PPP2R2B: variants seen among roughly 807,000 people sequenced by gnomAD.
The protein encoded by PPP2R2B is protein phosphatase 2 regulatory subunit Bbeta.
PPP2R2B carries 5 observed loss-of-function variants against 46.0 expected under a neutral mutation model. The ratio of observed to expected loss-of-function variants is 0.11; its 90% CI spans 0.06 to 0.23. The LOEUF (loss-of-function observed/expected upper bound fraction) is 0.23. Ranked by LOEUF, PPP2R2B falls within the 10% of genes least tolerant of loss-of-function variation. PPP2R2B has a pLI of 1.00. For missense variants in PPP2R2B, 367 were observed against 575.0 expected (o/e 0.64, Z 3.70); for synonymous variants, 215 against 206.7 (o/e 1.04, Z -0.34).
At chr5:146,881,685 T>TA (rs1762173093), upstream of PPP2R2B, among the ~76,000 whole-genome samples, 1 of 152,232 alleles carries the variant, frequency 6.6e-6, no homozygotes, top group African/African-American at 2.4e-5. Context: ...GTGCTGGGAT[T>TA]ACTGGCGTGA....
chr5:146,953,046 C>A (rs1349905048), intron 1 of PPP2R2B, among the ~76,000 whole-genome samples: 2 of 152,120 alleles, frequency 1.3e-5, no homozygotes, highest in African/African-American at 4.8e-5. Context: ...TATTTAGAAT[C>A]CCTGGCTTCA....
chr5:146,609,342 G>A (rs974517989), intron 7 of PPP2R2B, among the ~76,000 whole-genome samples: 1 of 152,182 alleles, frequency 6.6e-6, no homozygotes, highest in Admixed American at 6.5e-5. Flanking sequence ...AGTACTGAAA[G>A]TCCTAGATAG....
At chr5:146,797,037 C>T (rs377011805) in intron 2 of PPP2R2B, among the ~76,000 whole-genome samples, 96 of 152,260 alleles carry the variant, frequency 6.3e-4, no homozygotes, top group African/African-American at 2.1e-3. Context: ...TGGGAGTTGA[C>T]CCTTTGTTAG....
intron 7 of PPP2R2B, among the ~76,000 whole-genome samples, chr5:146,608,163 G>A (rs1772478992): frequency 6.6e-6 from 1 of 152,152 alleles, no homozygotes. Flanking sequence ...ATCTAGACAG[G>A]GGAATCAGCA....
intron 2 of PPP2R2B, among the ~76,000 whole-genome samples, chr5:146,829,604 T>C (rs937011472): frequency 4.6e-5 from 7 of 152,142 alleles, no homozygotes; most frequent in Non-Finnish European, 1.0e-4. Flanking sequence ...GTTAAGTACC[T>C]GCAGTGGCCT....
chr5:146,750,732 G>A (rs1297123981), intron 2 of PPP2R2B, among the ~76,000 whole-genome samples: 1 of 152,162 alleles, frequency 6.6e-6, no homozygotes, highest in Non-Finnish European at 1.5e-5. Flanking sequence ...CATGGGCACA[G>A]CATTGCTATG....
chr5:146,749,567 A>C (rs1338062874), intron 2 of PPP2R2B, among the ~76,000 whole-genome samples: 2 of 150,634 alleles, frequency 1.3e-5, no homozygotes, highest in African/African-American at 4.9e-5. Context: ...CTCTTTGCTT[A>C]GCCTAGATCC....
At chr5:146,659,258 T>C (rs1776536699) in intron 5 of PPP2R2B, among the ~76,000 whole-genome samples, 1 of 152,218 alleles carries the variant, frequency 6.6e-6, no homozygotes, top group South Asian at 2.1e-4. Context: ...TTTAAAATAC[T>C]TTGAAATCAC....
chr5:146,736,662 T>C (rs1752558201), intron 2 of PPP2R2B, among the ~76,000 whole-genome samples: 1 of 152,184 alleles, frequency 6.6e-6, no homozygotes, highest in Admixed American at 6.5e-5. Flanking sequence ...GGTGTGTACA[T>C]GGGTACATCC....
chr5:147,079,445 C>CATATATATATATATATATATATAT (rs58393815), intron 2 of PPP2R2B, among the ~76,000 whole-genome samples: 1 of 132,304 alleles, frequency 7.6e-6, no homozygotes, highest in South Asian at 2.5e-4. Flanking sequence ...TATATATATA[C>CATATATATATATATATATATATAT]ATATATATAT....
In PPP2R2B at chr5:146,807,720, T is replaced by A. The variant is rs571718317; in HGVS notation, c.70+70282A>T. Among the ~76,000 whole-genome samples the A allele has an allele frequency of 4.8e-5, 7 of 145,214 alleles. No individual in the cohort carries two copies. In the South Asian group the frequency reaches 1.6e-3, roughly 33 times the overall value. ...TCTGACTCACACCAGAGTATGTGCT[T>A]AACCACCAGGGATATGCCCTCTCCA... On this transcript the variant is annotated intron_variant, in intron 2 of 9. Transcript: ENST00000394411.
chr5:146,690,555 T>C (rs567998621), intron 5 of PPP2R2B, among the ~76,000 whole-genome samples: 7 of 152,322 alleles, frequency 4.6e-5, no homozygotes, highest in African/African-American at 1.4e-4. Context: ...AGATCATATA[T>C]TGAGGACCAG....
chr5:147,073,975 G>T (rs1004868542), intron 2 of PPP2R2B, among the ~76,000 whole-genome samples: 2 of 151,726 alleles, frequency 1.3e-5, no homozygotes, highest in Admixed American at 6.6e-5. Flanking sequence ...GATGGAGGTT[G>T]CAGTGAGCCA....
At chr5:146,878,779 G>A (rs1057264689), upstream of PPP2R2B, 34 of 1,301,686 alleles carry the variant, frequency 2.6e-5, no homozygotes, top group African/African-American at 5.3e-4. The surrounding 1 kb of genome is among the most constrained non-coding windows in gnomAD (Gnocchi z 4.5). Context: ...GAGGCGGCTG[G>A]TGCATTAAAG....
At chr5:146,873,231 C>T (rs1306557366) in intron 2 of PPP2R2B, among the ~76,000 whole-genome samples, 2 of 152,196 alleles carry the variant, frequency 1.3e-5, no homozygotes, top group Non-Finnish European at 2.9e-5. Flanking sequence ...TGCAATCTTT[C>T]TCTATTACGT....
chr5:146,640,060 G>C (rs1775094621), intron 6 of PPP2R2B, among the ~76,000 whole-genome samples: 1 of 152,212 alleles, frequency 6.6e-6, no homozygotes, highest in Admixed American at 6.5e-5. Context: ...CAAATGCACT[G>C]ATATTTTTAG....
At chr5:146,760,509 C>G (rs944328501) in intron 2 of PPP2R2B, among the ~76,000 whole-genome samples, 4 of 152,006 alleles carry the variant, frequency 2.6e-5, no homozygotes, top group Admixed American at 6.6e-5. Context: ...GGCAAGATAC[C>G]CAAGTGGAAG....
At chr5:147,022,873 C>T (rs955194680) in intron 1 of PPP2R2B, among the ~76,000 whole-genome samples, 2 of 151,674 alleles carry the variant, frequency 1.3e-5, no homozygotes, top group African/African-American at 4.8e-5. Context: ...TCTTATATCC[C>T]TCAAAAATGA....
At chr5:146,814,002 C>CA (rs751299604) in intron 2 of PPP2R2B, among the ~76,000 whole-genome samples, 9 of 152,108 alleles carry the variant, frequency 5.9e-5, no homozygotes, top group Non-Finnish European at 1.2e-4. Context: ...TAAACCCTCT[C>CA]ACTTGAAGAA....
Sources: allele counts gnomAD v4.1 joint callset (sites outside exome capture counted in the v4.1 genomes callset), GRCh38; gene constraint gnomAD v4.1.1; non-coding constraint Gnocchi (gnomAD v3.1); transcripts MANE v1.5; gene names NCBI Gene and HGNC (gene_info 2026-07-23, HGNC 2026-07-21).